The following DTWD2 variants were observed in gnomAD, a reference collection of about 807,000 sequenced individuals.
The protein encoded by DTWD2 is tRNA-uridine aminocarboxypropyltransferase 2.
In DTWD2, 39 loss-of-function variants were observed where a neutral mutation model predicts 31.8. The ratio of observed to expected loss-of-function variants is 1.22; its 90% CI spans 0.95 to 1.60. The LOEUF (loss-of-function observed/expected upper bound fraction) is 1.60. DTWD2 is among the 40% of genes most tolerant of loss of function. DTWD2 has a pLI of 0.00. For synonymous variants in DTWD2, 180 were observed against 142.8 expected (o/e 1.26, Z -1.86); for missense variants, 515 against 381.5 (o/e 1.35, Z -2.92).
intron 4 of DTWD2, among the ~76,000 whole-genome samples, chr5:118,864,836 T>A (rs1752348011): frequency 6.6e-6 from 1 of 152,166 alleles, no homozygotes; most frequent in African/African-American, 2.4e-5. Flanking sequence ...CACAGTGCTA[T>A]GTTACCATGT....
At chr5:118,885,349 G>A (rs1022884122) in intron 4 of DTWD2, among the ~76,000 whole-genome samples, 16 of 151,240 alleles carry the variant, frequency 1.1e-4, no homozygotes, top group African/African-American at 3.9e-4. Context: ...GCTATCAGGA[G>A]GCTGTGGCGG....
intron 4 of DTWD2, among the ~76,000 whole-genome samples, chr5:118,851,648 A>G (rs1255272299): frequency 1.5e-5 from 2 of 135,320 alleles, no homozygotes; most frequent in African/African-American, 2.8e-5. Flanking sequence ...ATGAGAACAC[A>G]TGGACACAGG....
At chr5:118,843,226 A>C (rs980950635) in intron 5 of DTWD2, among the ~76,000 whole-genome samples, 11 of 151,760 alleles carry the variant, frequency 7.2e-5, no homozygotes, top group African/African-American at 2.7e-4. Flanking sequence ...AAGTGCTGGG[A>C]TTACAGGTGT....
chr5:118,842,930 GA>G (rs1426566691), intron 5 of DTWD2, among the ~76,000 whole-genome samples: 1 of 148,256 alleles, frequency 6.7e-6, no homozygotes, highest in Non-Finnish European at 1.5e-5. Flanking sequence ...CTTGGTGACA[GA>G]ATGAGAAACT....
At chr5:118,926,039 C>T (rs1753801657) in intron 4 of DTWD2, among the ~76,000 whole-genome samples, 1 of 151,984 alleles carries the variant, frequency 6.6e-6, no homozygotes. Flanking sequence ...TCAAGGCCAG[C>T]CTGGACAACA....
chr5:118,887,666 C>T (rs1190371437), intron 4 of DTWD2, among the ~76,000 whole-genome samples: 1 of 152,106 alleles, frequency 6.6e-6, no homozygotes, highest in African/African-American at 2.4e-5. Context: ...TTACACAGGA[C>T]GGAGGGCAGG....
At chr5:118,900,049 T>G (rs1405140614) in intron 4 of DTWD2, among the ~76,000 whole-genome samples, 1 of 152,104 alleles carries the variant, frequency 6.6e-6, no homozygotes, top group Non-Finnish European at 1.5e-5. Context: ...CAAATTGATC[T>G]GCCCACCTCG....
At chr5:118,900,600 T>C (rs1201015829) in intron 4 of DTWD2, among the ~76,000 whole-genome samples, 1 of 152,164 alleles carries the variant, frequency 6.6e-6, no homozygotes, top group Non-Finnish European at 1.5e-5. Flanking sequence ...ACAGAGCTAA[T>C]AGATTAAACT....
intron 4 of DTWD2, among the ~76,000 whole-genome samples, chr5:118,902,532 A>T (rs891619572): frequency 8.5e-5 from 13 of 152,176 alleles, no homozygotes; most frequent in African/African-American, 3.1e-4. Flanking sequence ...TATCATAATT[A>T]TTCTTCAACA....
At chr5:118,959,479 A>C (rs1484610969) in intron 1 of DTWD2, among the ~76,000 whole-genome samples, 1 of 152,178 alleles carries the variant, frequency 6.6e-6, no homozygotes, top group Non-Finnish European at 1.5e-5. Flanking sequence ...AAGCATCCCA[A>C]GCTCATGGAT....
chr5:118,973,523 T>A (rs1449387048), intron 1 of DTWD2, among the ~76,000 whole-genome samples: 1 of 152,232 alleles, frequency 6.6e-6, no homozygotes, highest in Non-Finnish European at 1.5e-5. Context: ...AAGCTTAGTT[T>A]GGCTGGAGAT....
chr5:118,878,365 AC>A (rs928691300), intron 4 of DTWD2, among the ~76,000 whole-genome samples: 1 of 152,300 alleles, frequency 6.6e-6, no homozygotes, highest in Non-Finnish European at 1.5e-5. Context: ...CCACACACTT[AC>A]AACTATCTGA....
At chr5:118,858,721 A>C (rs1254685712) in intron 4 of DTWD2, among the ~76,000 whole-genome samples, 1 of 152,144 alleles carries the variant, frequency 6.6e-6, no homozygotes, top group Non-Finnish European at 1.5e-5. Context: ...ATACAAGCAT[A>C]GGTGATTACT....
At chr5:118,907,344 TATAG>T (rs1225128178) in intron 4 of DTWD2, among the ~76,000 whole-genome samples, 1 of 152,076 alleles carries the variant, frequency 6.6e-6, no homozygotes, top group African/African-American at 2.4e-5. Flanking sequence ...TTAGGATATA[TATAG>T]AGAGAGAGAG....
At chr5:118,905,248 T>C (rs879649947) in intron 4 of DTWD2, among the ~76,000 whole-genome samples, 8 of 152,272 alleles carry the variant, frequency 5.3e-5, no homozygotes, top group Non-Finnish European at 7.4e-5. Flanking sequence ...TCCAAGGAAC[T>C]AATAACTAAT....
chr5:118,907,302 A>G (rs535519676), intron 4 of DTWD2, among the ~76,000 whole-genome samples: 1 of 152,310 alleles, frequency 6.6e-6, no homozygotes, highest in East Asian at 1.9e-4. Flanking sequence ...TTAGACTTGT[A>G]TTAGTCAGGG....
chr5:118,861,718 T>C (rs1315842929), intron 4 of DTWD2, among the ~76,000 whole-genome samples: 1 of 152,174 alleles, frequency 6.6e-6, no homozygotes, highest in Non-Finnish European at 1.5e-5. Flanking sequence ...AGAAGTTCCC[T>C]GTGTCATGGG....
chr5:118,915,714 A>G (rs990583833), intron 4 of DTWD2, among the ~76,000 whole-genome samples: 3 of 152,146 alleles, frequency 2.0e-5, no homozygotes, highest in African/African-American at 7.2e-5. Context: ...AACTCTTCCC[A>G]TGTGTAGTGA....
At chr5:118,913,755 T>G (rs1753512990) in intron 4 of DTWD2, among the ~76,000 whole-genome samples, 1 of 151,954 alleles carries the variant, frequency 6.6e-6, no homozygotes, top group African/African-American at 2.4e-5. Flanking sequence ...AAACACAATT[T>G]AAATAACTGG....
Sources: allele counts gnomAD v4.1 joint callset (sites outside exome capture counted in the v4.1 genomes callset), GRCh38; gene constraint gnomAD v4.1.1; transcripts MANE v1.5; gene names NCBI Gene and HGNC (gene_info 2026-07-23, HGNC 2026-07-21).